Variants in SGK3 observed in about 807,000 individuals in gnomAD.
SGK3 encodes serum/glucocorticoid regulated kinase family member 3, also known as serine/threonine-protein kinase Sgk3.
Under a neutral mutation model 68.5 loss-of-function variants are expected in SGK3, and 47 were observed. The ratio of observed to expected loss-of-function variants is 0.69; its 90% CI spans 0.54 to 0.87. The LOEUF is 0.87. Ranked by LOEUF, SGK3 falls within the 40% of genes least tolerant of loss-of-function variation. SGK3 has a pLI of 0.00. For synonymous variants in SGK3, 181 were observed against 189.1 expected (o/e 0.96, Z 0.35); for missense variants, 479 against 575.5 (o/e 0.83, Z 1.72).
At chr8:66,715,380 C>T (rs1008375826) in intron 1 of SGK3, among the ~76,000 whole-genome samples, 2 of 152,094 alleles carry the variant, frequency 1.3e-5, no homozygotes, top group Non-Finnish European at 2.9e-5. Context: ...GCCTCAGCCT[C>T]CCGAGTAGCT....
At chr8:66,845,693 C>CTTATTTAT (rs59371496) in intron 14 of SGK3, among the ~76,000 whole-genome samples, 4,844 of 139,810 alleles carry the variant, frequency 0.035, 93 homozygotes, top group Middle Eastern at 0.055. Flanking sequence ...ACCTAGCTTG[C>CTTATTTAT]TTATTTATTT....
chr8:66,738,907 G>T (rs561992046), intron 1 of SGK3, among the ~76,000 whole-genome samples: 1 of 152,310 alleles, frequency 6.6e-6, no homozygotes, highest in Non-Finnish European at 1.5e-5. Context: ...TGGGATTACA[G>T]GCGTGAGTCA....
chr8:66,746,210 A>C (rs1013098017), intron 1 of SGK3, among the ~76,000 whole-genome samples: 3 of 152,124 alleles, frequency 2.0e-5, no homozygotes, highest in African/African-American at 7.2e-5. Flanking sequence ...GCAGGCTCTT[A>C]GGTTTCGCCC....
chr8:66,801,636 T>C (rs1190235515), intron 3 of SGK3, among the ~76,000 whole-genome samples: 1 of 151,868 alleles, frequency 6.6e-6, no homozygotes, highest in Non-Finnish European at 1.5e-5. Context: ...TCTGTCTCTG[T>C]GTCTTTCTTT....
rs116209121 is a variant in SGK3 at position 66,820,831 on chromosome 8, G to A, written c.330-1541G>A. On this transcript the variant is annotated intron_variant, in intron 5 of 16. Transcript: ENST00000521198. ...TGATTCCCCTGCCTCAGCGTTCTGA[G>A]TAGCTAGGATGACAGGTGCACACCA... 4.2e-3 allele frequency among the ~76,000 whole-genome samples: 645 copies of A among 152,244 alleles called. 6 individuals are homozygous for A. Among genetic ancestry groups the A allele is most frequent in the African/African-American group, 0.015 (615 of 41,534 alleles).
chr8:66,837,484 C>T (rs1030289399), intron 10 of SGK3, among the ~76,000 whole-genome samples: 2 of 152,062 alleles, frequency 1.3e-5, no homozygotes, highest in Non-Finnish European at 2.9e-5. Flanking sequence ...ACATCTGTCA[C>T]AAAAGTCCCT....
At chr8:66,738,473 T>C (rs1805387157) in intron 1 of SGK3, among the ~76,000 whole-genome samples, 1 of 152,188 alleles carries the variant, frequency 6.6e-6, no homozygotes, top group Non-Finnish European at 1.5e-5. Flanking sequence ...GTTAGCCACA[T>C]TGTGATCCTC....
At chr8:66,765,463 T>C (rs191104126) in intron 1 of SGK3, among the ~76,000 whole-genome samples, 56 of 152,362 alleles carry the variant, frequency 3.7e-4, no homozygotes, top group Non-Finnish European at 7.3e-4. Flanking sequence ...TAGACTCTTA[T>C]GAGATAATGT....
At chr8:66,823,459 G>T (rs1808929612) in intron 6 of SGK3, among the ~76,000 whole-genome samples, 1 of 150,634 alleles carries the variant, frequency 6.6e-6, no homozygotes, top group Non-Finnish European at 1.5e-5. Context: ...AGTCAGTGGC[G>T]TGATCTTGGC....
At chr8:66,715,884 A>C (rs1804618417) in intron 1 of SGK3, among the ~76,000 whole-genome samples, 1 of 152,204 alleles carries the variant, frequency 6.6e-6, no homozygotes, top group Non-Finnish European at 1.5e-5. Context: ...TGTATTAGGC[A>C]GTAAGAAACC....
intron 16 of SGK3, among the ~76,000 whole-genome samples, chr8:66,853,290 T>G (rs183083695): frequency 7.2e-5 from 11 of 152,302 alleles, no homozygotes; most frequent in African/African-American, 2.2e-4. Flanking sequence ...AATTCTATGT[T>G]TAGTGCATAT....
chr8:66,716,997 ACCAGC>A (rs1483403064), intron 1 of SGK3, among the ~76,000 whole-genome samples: 1 of 151,926 alleles, frequency 6.6e-6, no homozygotes, highest in Admixed American at 6.6e-5. Flanking sequence ...GGAGTTCGAG[ACCAGC>A]CTGGCCAACA....
intron 5 of SGK3, among the ~76,000 whole-genome samples, chr8:66,821,990 T>TA (rs984834100): frequency 2.0e-5 from 3 of 151,360 alleles, no homozygotes; most frequent in Non-Finnish European, 4.4e-5. Context: ...TCCCTATTTT[T>TA]TTTTTTTTTA....
At chr8:66,715,350 C>T (rs1289637632) in intron 1 of SGK3, among the ~76,000 whole-genome samples, 1 of 152,082 alleles carries the variant, frequency 6.6e-6, no homozygotes, top group African/African-American at 2.4e-5. Context: ...CTCCGCCTCC[C>T]GGGTTCAAGC....
intron 2 of SGK3, 118 bp downstream of exon 2, chr8:66,793,950 A>C: frequency 9.4e-7 from 1 of 1,058,660 alleles, no homozygotes; most frequent in Non-Finnish European, 1.4e-6. Flanking sequence ...CCTAGATTTT[A>C]CTTCTTTCAC....
At chr8:66,859,363 A>G (rs1225801232) in intron 16 of SGK3, 48 bp from the exon 17 acceptor site, 3 of 1,486,916 alleles carry the variant, frequency 2.0e-6, no homozygotes, top group East Asian at 4.7e-5. Flanking sequence ...GGATTAAATT[A>G]ATGAAAGAAA....
chr8:66,795,486 C>T (rs1807643387), intron 2 of SGK3, among the ~76,000 whole-genome samples: 1 of 152,122 alleles, frequency 6.6e-6, no homozygotes, highest in Admixed American at 6.6e-5. Context: ...GTTTTTCTTC[C>T]TTCCTTCCCT....
At chr8:66,858,331 T>TG (rs1236145634) in intron 16 of SGK3, among the ~76,000 whole-genome samples, 3 of 151,750 alleles carry the variant, frequency 2.0e-5, no homozygotes, top group Non-Finnish European at 4.4e-5. Context: ...CCGGGCATGG[T>TG]GGTGGGCGCC....
In SGK3 at chr8:66,859,495, T is replaced by G. The variant is rs1385371947; in HGVS notation, c.1405T>G (p.Ser469Ala). The G allele has an allele frequency of 1.2e-6, 2 of 1,613,892 alleles. No individual in the cohort carries two copies. The highest frequency in any genetic ancestry group is 1.7e-6 in the Non-Finnish European group (2 of 1,179,842). ...TTCTGTGTGTGTATCTTCTGACTAT[T>G]CTATAGTGAATGCCAGTGTATTGGA... Reference protein sequence around the residue: ...PYSVCVSSDYSIVNASVLEAD... With the variant: ...PYSVCVSSDYAIVNASVLEAD... Residue 469 changes from serine (S) to alanine (A), a missense_variant, in exon 17 of 17, where the codon TCT becomes GCT. This residue lies in a region of SGK3 where 173 missense variants were observed against 214.3 expected (regional missense o/e 0.81). Coordinates refer to ENST00000521198, the MANE Select transcript of SGK3 (RefSeq NM_001033578.3).
Sources: gnomAD v4.1 joint callset for allele counts (sites outside exome capture counted in the v4.1 genomes callset) on GRCh38, gnomAD v4.1.1 for gene constraint, gnomAD v4.1.1 regional missense constraint, MANE v1.5 for transcripts, NCBI Gene and HGNC (gene_info 2026-07-23, HGNC 2026-07-21) for gene names.